The following EHD1 variants were observed in gnomAD, a reference collection of about 807,000 sequenced individuals.
The protein encoded by EHD1 is EH domain containing 1.
EHD1 carries 19 observed loss-of-function variants against 39.0 expected under a neutral mutation model. The ratio of observed to expected loss-of-function variants is 0.49; its 90% CI spans 0.34 to 0.72. The LOEUF (loss-of-function observed/expected upper bound fraction) is 0.72, where lower values mean the gene tolerates loss of function less well. Among genes scored for constraint, EHD1 ranks in the 30% least tolerant of loss-of-function variants. The probability of loss-of-function intolerance (pLI) is 0.01; values close to 1 mark genes in which losing one functional copy is unlikely to be tolerated. For missense variants in EHD1, 542 were observed against 751.5 expected (o/e 0.72, Z 3.26); for synonymous variants, 323 against 331.2 (o/e 0.98, Z 0.27).
Position 64,868,179 on chromosome 11 carries a change from G to T in EHD1, c.502+6242C>A, listed in dbSNP as rs1033090416. Among the ~76,000 whole-genome samples, 1 of 152,212 alleles carries T rather than the reference G, an allele frequency of 6.6e-6. No individual in the cohort carries two copies. The highest frequency in any genetic ancestry group is 1.5e-5 in the Non-Finnish European group (1 of 68,044). ...AAACATAGAGGGTTTGTCTCCAATC[G>T]ACTTTTGTTTCCTGTCATTCAAGCT... is the stretch of plus-strand genomic sequence containing the variant. On this transcript the variant is annotated intron_variant, in intron 2 of 4. Coordinates refer to ENST00000320631, the MANE Select transcript of EHD1 (RefSeq NM_006795.4). The surrounding 1 kb of genome is among the most constrained non-coding windows in gnomAD (Gnocchi z 4.2).
rs199602914 is a variant in EHD1 at position 64,854,325 on chromosome 11, G to T, written c.*8C>A. The T allele has an allele frequency of 6.3e-7, 1 of 1,594,056 alleles. No individual in the cohort carries two copies. The highest frequency in any genetic ancestry group is 1.3e-5 in the African/African-American group (1 of 74,806). Reference sequence around the variant, plus strand: ...GCGTGCAAATGGCAGGTGCGGGGCCGGGCGCCATCACTCATGTCTGCGCTT... The same window carrying T: ...GCGTGCAAATGGCAGGTGCGGGGCCTGGCGCCATCACTCATGTCTGCGCTT... On this transcript the variant is annotated 3_prime_UTR_variant, in exon 5 of 5. Transcript: ENST00000320631.
chr11:64,879,508 G>A, upstream of EHD1: 4 of 1,484,942 alleles, frequency 2.7e-6, no homozygotes, highest in Non-Finnish European at 3.7e-6. Flanking sequence ...GAAATCTTGT[G>A]GGAATTTAGG....
chr11:64,858,284 T>G (rs555688533), intron 3 of EHD1, among the ~76,000 whole-genome samples: 1 of 151,730 alleles, frequency 6.6e-6, no homozygotes, highest in Admixed American at 6.6e-5. Context: ...TGGGTTCAAG[T>G]GATTCTCCTG....
intron 2 of EHD1, 55 bp downstream of exon 2, chr11:64,874,366 G>C: frequency 1.0e-5 from 14 of 1,387,756 alleles, no homozygotes; most frequent in Non-Finnish European, 1.0e-5. Flanking sequence ...GCAGATCTTA[G>C]AGAGAAGGAT....
chr11:64,860,718 G>GAA (rs138106545), intron 2 of EHD1, among the ~76,000 whole-genome samples: 20 of 110,286 alleles, frequency 1.8e-4, no homozygotes, highest in African/African-American at 5.1e-4. Flanking sequence ...AAACTGTCGC[G>GAA]AAAAAAAAAA....
chr11:64,863,658 C>T (rs931131889), intron 2 of EHD1, among the ~76,000 whole-genome samples: 6 of 152,214 alleles, frequency 3.9e-5, no homozygotes, highest in South Asian at 2.1e-4. Flanking sequence ...CAGGCCCAAG[C>T]GTGCTTGGCG....
rs542122400 is a variant in EHD1, at chr11:64,852,864, T to C, written c.*1469A>G. The C allele has an allele frequency of 6.6e-6, 1 of 152,590 alleles. No individual in the cohort carries two copies. The highest frequency in any genetic ancestry group is 6.5e-5 in the Admixed American group (1 of 15,308). 9.5% of individuals were successfully genotyped at this position (152,590 alleles called of 1,614,324 possible). Reference sequence around the variant, plus strand: ...GCCCGCATCCATCCTCACCTAATACTGTATGGAGTGACGGGCTAAGGAGAA... The same window carrying C: ...GCCCGCATCCATCCTCACCTAATACCGTATGGAGTGACGGGCTAAGGAGAA... On this transcript the variant is annotated 3_prime_UTR_variant, in exon 5 of 5. Transcript: ENST00000320631.
rs1943698856 is a variant in EHD1, at chr11:64,860,191, C to T, written c.648G>A (p.Val216=). ...CGATCTGGTCTGCCTTGTTCAGCAC[C>T]ACGCGGATCTTGTCCTCATGGTTCT... ...ALKNHEDKIR[V]VLNKADQIET... The change falls in exon 3 of 5, where the codon GTG becomes GTA. Residue 216 remains valine (V), a synonymous_variant. Coordinates refer to ENST00000320631, the MANE Select transcript of EHD1 (RefSeq NM_006795.4). 1 of 1,614,166 alleles carries T rather than the reference C, an allele frequency of 6.2e-7. No homozygotes were observed. The highest frequency in any genetic ancestry group is 1.3e-5 in the African/African-American group (1 of 75,054).
chr11:64,865,554 T>C (rs1943759031), intron 2 of EHD1, among the ~76,000 whole-genome samples: 1 of 151,504 alleles, frequency 6.6e-6, no homozygotes, highest in African/African-American at 2.4e-5. Flanking sequence ...CCCAAGCGGG[T>C]GGGCTGGAGA....
At chr11:64,872,446 G>A (rs1338037333) in intron 2 of EHD1, among the ~76,000 whole-genome samples, 2 of 152,304 alleles carry the variant, frequency 1.3e-5, no homozygotes, top group East Asian at 3.9e-4. Context: ...GGGCGATAGA[G>A]CGACACTCTG....
At position 64,854,219 on chromosome 11, in the gene EHD1, G is replaced by T. The variant is rs1592742228; in HGVS notation, c.*114C>A. 3.5e-6 allele frequency: 5 copies of T among 1,431,664 alleles called. No individual in the cohort carries two copies. The highest frequency in any genetic ancestry group is 4.6e-6 in the Non-Finnish European group (5 of 1,092,664). The allele number at this position is 1,431,664 out of a possible 1,614,324, so 88.7% of individuals were successfully genotyped here. On this transcript the variant is annotated 3_prime_UTR_variant, in exon 5 of 5. Transcript: ENST00000320631. ...AGATGGTGGTTTTCCTTTTCGAGAG[G>T]CGAGGAAACATCCGCTCAGTCTTTA...
At position 64,868,824 on chromosome 11, in the gene EHD1, G is replaced by A. The variant is rs56368041; in HGVS notation, c.502+5597C>T. Among the ~76,000 whole-genome samples the A allele has an allele frequency of 4.6e-5, 7 of 152,290 alleles. No individual in the cohort carries two copies. The highest frequency in any genetic ancestry group is 7.2e-5 in the African/African-American group (3 of 41,564). On this transcript the variant is annotated intron_variant, in intron 2 of 4. Transcript: ENST00000320631. This position sits in a 1 kb window ranked among gnomAD's most constrained non-coding sequence, Gnocchi z 4.2. ...CAGACAGAAGCAACAAAAGAGGGGC[G>A]GGAGGGGGCAGAGGAACTCTGGAAT...
In EHD1 at chr11:64,851,773, G is replaced by C. The variant is rs974340314; in HGVS notation, c.*2560C>G. 6.6e-6 allele frequency: 1 copy of C among 152,272 alleles called. No homozygotes were observed. Among genetic ancestry groups the C allele is most frequent in the African/African-American group, 2.4e-5 (1 of 41,424 alleles). The allele number at this position is 152,272 out of a possible 1,614,324, so 9.4% of individuals were successfully genotyped here. A position where few individuals can be genotyped will look rare whatever the true frequency, so the allele number is the denominator to read the frequency against. ...CTTTGGATTAGTAACCTGATGGAAA[G>C]CACGCTGGAGTTGGACGGCCTGGTT... On this transcript the variant is annotated 3_prime_UTR_variant, in exon 5 of 5. Coordinates refer to ENST00000320631, the MANE Select transcript of EHD1 (RefSeq NM_006795.4).
chr11:64,864,003 C>T (rs901143705), intron 2 of EHD1, among the ~76,000 whole-genome samples: 2 of 152,210 alleles, frequency 1.3e-5, no homozygotes, highest in African/African-American at 4.8e-5. Flanking sequence ...GACCCATCAC[C>T]GGTCAAGGAC....
At chr11:64,874,929 G>A (rs1184517885) in intron 1 of EHD1, among the ~76,000 whole-genome samples, 1 of 152,206 alleles carries the variant, frequency 6.6e-6, no homozygotes, top group Non-Finnish European at 1.5e-5. Context: ...ACACTGAAGA[G>A]AGCTGGCCGC....
Position 64,854,318 on chromosome 11 carries a change from CG to C in EHD1, c.*14del. ...CGGCCGGGCGTGCAAATGGCAGGTGCGGGGCCGGGCGCCATCACTCATGTCT... is the reference window on the plus strand; with the variant it reads ...CGGCCGGGCGTGCAAATGGCAGGTGCGGGCCGGGCGCCATCACTCATGTCT... On this transcript the variant is annotated 3_prime_UTR_variant, in exon 5 of 5. Transcript: ENST00000320631. 6.3e-7 allele frequency: 1 copy of C among 1,587,516 alleles called. No individual in the cohort carries two copies. Among genetic ancestry groups the C allele is most frequent in the South Asian group, 1.1e-5 (1 of 89,240 alleles).
Position 64,854,788 on chromosome 11 carries a change from C to T in EHD1, c.1150G>A (p.Asp384Asn). The change falls in exon 5 of 5, where the codon GAC becomes AAC. Residue 384 changes from aspartate (D) to asparagine (N), a missense_variant. By Grantham distance (23) the Asp-to-Asn change is conservative. Transcript: ENST00000320631. ...LKPKLLDTVDDMLANDIARLM... is the reference protein window; with the variant it reads ...LKPKLLDTVDNMLANDIARLM... ...CGCGCGATGTCGTTGGCCAGCATGTCATCCACCGTGTCCAGCAGCTTGGGC... is the reference window on the plus strand; with the variant it reads ...CGCGCGATGTCGTTGGCCAGCATGTTATCCACCGTGTCCAGCAGCTTGGGC... 6.2e-7 allele frequency: 1 copy of T among 1,605,428 alleles called. No homozygotes were observed. The highest frequency in any genetic ancestry group is 8.5e-7 in the Non-Finnish European group (1 of 1,179,990).
chr11:64,878,687 G>C (rs1354301390), upstream of EHD1: 1 of 1,356,072 alleles, frequency 7.4e-7, no homozygotes, highest in Non-Finnish European at 9.4e-7. Flanking sequence ...GCGCCGCCGC[G>C]GCGGGGGCAG....
At chr11:64,874,584 A>C in intron 1 of EHD1, 66 bp from the exon 2 acceptor site, 3 of 1,305,440 alleles carry the variant, frequency 2.3e-6, no homozygotes, top group Non-Finnish European at 3.1e-6. Context: ...GGACACAACA[A>C]AGGGCTCTCT....
Sources: allele counts gnomAD v4.1 joint callset (sites outside exome capture counted in the v4.1 genomes callset), GRCh38; gene constraint gnomAD v4.1.1; non-coding constraint Gnocchi (gnomAD v3.1); transcripts MANE v1.5; gene names NCBI Gene and HGNC (gene_info 2026-07-23, HGNC 2026-07-21).